Variants in RABGAP1L observed in about 807,000 individuals in gnomAD.
RABGAP1L encodes RAB GTPase activating protein 1 like.
Under a neutral mutation model 137.7 loss-of-function variants are expected in RABGAP1L, and 63 were observed. The observed-to-expected ratio is 0.46, with a 90% confidence interval of 0.37 to 0.56. The LOEUF (loss-of-function observed/expected upper bound fraction) is 0.56. RABGAP1L is among the 20% of genes least tolerant of loss of function. RABGAP1L has a pLI of 0.00. For synonymous variants in RABGAP1L, 431 were observed against 433.7 expected (o/e 0.99, Z 0.08); for missense variants, 1,095 against 1,244.0 (o/e 0.88, Z 1.80).
At chr1:174,437,314 A>G (rs547458332) in intron 13 of RABGAP1L, among the ~76,000 whole-genome samples, 16 of 152,182 alleles carry the variant, frequency 1.1e-4, no homozygotes, top group African/African-American at 3.6e-4. Context: ...GAAGTTAAAA[A>G]CTTTGAAAAA....
At chr1:174,796,096 A>G (rs1688221779) in intron 18 of RABGAP1L, among the ~76,000 whole-genome samples, 1 of 152,262 alleles carries the variant, frequency 6.6e-6, no homozygotes, top group Non-Finnish European at 1.5e-5. Flanking sequence ...GTGAGAAATC[A>G]TGCATTATTA....
At chr1:174,251,967 G>A (rs2148598518) in intron 6 of RABGAP1L, among the ~76,000 whole-genome samples, 1 of 151,414 alleles carries the variant, frequency 6.6e-6, no homozygotes, top group South Asian at 2.1e-4. Flanking sequence ...TGCAATCTTG[G>A]CTCACTGCAA....
chr1:174,962,111 T>C (rs1345733932), intron 20 of RABGAP1L, among the ~76,000 whole-genome samples: 2 of 149,560 alleles, frequency 1.3e-5, no homozygotes, highest in Non-Finnish European at 3.0e-5. Flanking sequence ...AGAGGCGGAG[T>C]TTACAGTGAG....
At chr1:174,763,345 G>A (rs1426735367) in intron 18 of RABGAP1L, among the ~76,000 whole-genome samples, 5 of 148,750 alleles carry the variant, frequency 3.4e-5, no homozygotes, top group African/African-American at 1.2e-4. Flanking sequence ...GTGAAACCCC[G>A]TCTCTACTAA....
chr1:174,432,658 C>T (rs545104665), intron 13 of RABGAP1L, among the ~76,000 whole-genome samples: 1 of 152,286 alleles, frequency 6.6e-6, no homozygotes, highest in Middle Eastern at 3.4e-3. Context: ...CTGCCTCAGC[C>T]TCCTGAGTAG....
At chr1:174,953,238 A>T (rs1668011205) in intron 19 of RABGAP1L, among the ~76,000 whole-genome samples, 1 of 152,236 alleles carries the variant, frequency 6.6e-6, no homozygotes. Context: ...AGAGTCATAT[A>T]TACAAATATG....
chr1:174,263,021 C>T (rs1369609425), intron 7 of RABGAP1L, among the ~76,000 whole-genome samples: 1 of 152,232 alleles, frequency 6.6e-6, no homozygotes, highest in Non-Finnish European at 1.5e-5. Context: ...GCTGTGCACT[C>T]ACATGCAGTC....
rs558886570 is a variant in RABGAP1L at position 174,968,151 on chromosome 1, T to C, written c.2434-1126T>C. Among the ~76,000 whole-genome samples the C allele has an allele frequency of 3.9e-5, 6 of 152,368 alleles. 1 individual carries two copies. Among genetic ancestry groups the C allele is most frequent in the African/African-American group, 1.4e-4 (6 of 41,578 alleles). On this transcript the variant is annotated intron_variant, in intron 20 of 25. Coordinates refer to ENST00000681986, the MANE Select transcript of RABGAP1L (RefSeq NM_001366446.1). ...CAATATAACAAACACCAGGTTGTTA[T>C]ATAGAAGATACAATTAACTTCACAT... is the stretch of plus-strand genomic sequence containing the variant.
intron 13 of RABGAP1L, among the ~76,000 whole-genome samples, chr1:174,456,504 A>G (rs1394770390): frequency 6.6e-6 from 1 of 152,056 alleles, no homozygotes; most frequent in Non-Finnish European, 1.5e-5. Flanking sequence ...TTTCTCAGTC[A>G]TTATGATGGA....
intron 19 of RABGAP1L, chr1:174,875,648 G>A (rs1652967636): frequency 1.0e-6 from 1 of 985,256 alleles, no homozygotes; most frequent in Admixed American, 6.2e-5. Context: ...TTCTGGTGCT[G>A]GTGAATGCAT....
At chr1:174,415,395 G>A (rs1392911466) in intron 13 of RABGAP1L, among the ~76,000 whole-genome samples, 1 of 151,954 alleles carries the variant, frequency 6.6e-6, no homozygotes, top group Non-Finnish European at 1.5e-5. Flanking sequence ...AAGAATGTTT[G>A]TATTGCTGGA....
intron 21 of RABGAP1L, among the ~76,000 whole-genome samples, chr1:174,973,972 G>GTTTTTTTT (rs1558297301): frequency 2.1e-5 from 2 of 94,230 alleles, no homozygotes; most frequent in African/African-American, 9.6e-5. Context: ...CAGTACAATT[G>GTTTTTTTT]TTTTTTGTTT....
chr1:174,576,997 A>C (rs1278131892), intron 13 of RABGAP1L, among the ~76,000 whole-genome samples: 1 of 152,064 alleles, frequency 6.6e-6, no homozygotes, highest in Non-Finnish European at 1.5e-5. Context: ...AGCTTGGGCA[A>C]CATAACCACA....
chr1:174,513,817 TTAGA>T (rs1662564459), intron 13 of RABGAP1L, among the ~76,000 whole-genome samples: 2 of 152,184 alleles, frequency 1.3e-5, no homozygotes, highest in African/African-American at 4.8e-5. Context: ...ATAGTTTTAT[TTAGA>T]TAAATTTCTT....
intron 13 of RABGAP1L, among the ~76,000 whole-genome samples, chr1:174,583,978 G>A (rs1233208362): frequency 6.6e-6 from 1 of 152,106 alleles, no homozygotes; most frequent in Non-Finnish European, 1.5e-5. Flanking sequence ...CAGTGTGTAG[G>A]TGGCTTTAAA....
At chr1:174,393,944 GT>G (rs1647495329) in intron 12 of RABGAP1L, 50 bp from the exon 13 acceptor site, 1 of 1,588,320 alleles carries the variant, frequency 6.3e-7, no homozygotes, top group Admixed American at 1.8e-5. Flanking sequence ...GGCAACAGCA[GT>G]TCAGGAGTTG....
At chr1:174,292,019 T>TTATTTATTATTA (rs1553267694) in intron 10 of RABGAP1L, among the ~76,000 whole-genome samples, 3 of 139,046 alleles carry the variant, frequency 2.2e-5, no homozygotes, top group Non-Finnish European at 4.6e-5. Context: ...GATTAGATCA[T>TTATTTATTATTA]TTATTATTAT....
intron 12 of RABGAP1L, among the ~76,000 whole-genome samples, chr1:174,391,568 C>T (rs1434669558): frequency 6.6e-6 from 1 of 152,076 alleles, no homozygotes; most frequent in Non-Finnish European, 1.5e-5. Context: ...GTCTGAACGC[C>T]TGGGCTCAAA....
intron 14 of RABGAP1L, among the ~76,000 whole-genome samples, chr1:174,669,830 G>C (rs1377576654): frequency 7.9e-5 from 12 of 151,970 alleles, no homozygotes; most frequent in Non-Finnish European, 1.6e-4. Context: ...TCTGTTTCTT[G>C]GGTCTAGCTT....
Sources: gnomAD v4.1 joint callset for allele counts (sites outside exome capture counted in the v4.1 genomes callset) on GRCh38, gnomAD v4.1.1 for gene constraint, MANE v1.5 for transcripts, NCBI Gene and HGNC (gene_info 2026-07-23, HGNC 2026-07-21) for gene names.